The following SRP9 variants were observed in gnomAD, a reference collection of about 807,000 sequenced individuals.
SRP9 encodes signal recognition particle 9 kDa protein.
SRP9 carries 2 observed loss-of-function variants against 11.7 expected under a neutral mutation model. The observed-to-expected ratio is 0.17, with a 90% CI of 0.07 to 0.54. The LOEUF (loss-of-function observed/expected upper bound fraction) is 0.54. SRP9 is among the 20% of genes least tolerant of loss of function. The pLI, the probability that SRP9 is intolerant of heterozygous loss-of-function variation, is 0.94. For missense variants in SRP9, 54 were observed against 108.1 expected (o/e 0.50, Z 2.22); for synonymous variants, 27 against 35.6 (o/e 0.76, Z 0.86).
At chr1:225,787,823 G>A (rs1665948027) in intron 2 of SRP9, among the ~76,000 whole-genome samples, 1 of 152,026 alleles carries the variant, frequency 6.6e-6, no homozygotes, top group East Asian at 1.9e-4. Context: ...GATTAATATG[G>A]CCTTTTTACA....
intron 2 of SRP9, 96 bp from the exon 3 acceptor site, chr1:225,789,144 A>G: frequency 6.4e-7 from 1 of 1,552,108 alleles, no homozygotes; most frequent in Admixed American, 2.0e-5. Flanking sequence ...AAACAGTGGT[A>G]GGAAAAACTC....
Position 225,790,127 on chromosome 1 carries a change from T to G in SRP9, c.*768T>G, listed in dbSNP as rs1665998657. Reference sequence around the variant, plus strand: ...CTACATATTTTCCATCTGTAGTTTCTCAGAAGGGCTATGGATTAGTTTGAA... The same window carrying G: ...CTACATATTTTCCATCTGTAGTTTCGCAGAAGGGCTATGGATTAGTTTGAA... On this transcript the variant is annotated 3_prime_UTR_variant, in exon 3 of 3. Coordinates refer to ENST00000304786, the MANE Select transcript of SRP9 (RefSeq NM_003133.6). 1 of 152,218 alleles carries G rather than the reference T, an allele frequency of 6.6e-6. No homozygotes were observed. 9.4% of individuals were successfully genotyped at this position (152,218 alleles called of 1,614,324 possible).
chr1:225,777,925 TC>T lies in SRP9; in HGVS notation c.-14del. The T allele has an allele frequency of 3.1e-6, 5 of 1,612,496 alleles. No individual in the cohort carries two copies. Among genetic ancestry groups the T allele is most frequent in the Non-Finnish European group, 3.4e-6 (4 of 1,178,866 alleles). On this transcript the variant is annotated 5_prime_UTR_variant, in exon 1 of 3. Coordinates refer to ENST00000304786, the MANE Select transcript of SRP9 (RefSeq NM_003133.6). ...CTGAGGCCTTGCTTCTCTTTACTTT[TC>T]CACTCTAGGCCACGATGCCGCAGTA... is the stretch of plus-strand genomic sequence containing the variant.
intron 2 of SRP9, chr1:225,786,795 G>A: frequency 8.0e-7 from 1 of 1,252,204 alleles, no homozygotes; most frequent in Non-Finnish European, 1.0e-6. Context: ...GCTTACCCTT[G>A]GTAGATTGAG....
At chr1:225,785,679 CTT>C (rs59464847) in intron 2 of SRP9, among the ~76,000 whole-genome samples, 18 of 123,030 alleles carry the variant, frequency 1.5e-4, no homozygotes, top group Admixed American at 5.9e-4. Flanking sequence ...TGTGCCTGGA[CTT>C]TTTTTTTTTT....
chr1:225,787,416 T>TA (rs1331913678), intron 2 of SRP9, among the ~76,000 whole-genome samples: 2 of 151,904 alleles, frequency 1.3e-5, no homozygotes, highest in African/African-American at 2.4e-5. Flanking sequence ...TAATCTCAGC[T>TA]ACTTGGGAGG....
chr1:225,783,241 A>C (rs781037916), intron 1 of SRP9, 59 bp from the exon 2 acceptor site: 58 of 1,389,296 alleles, frequency 4.2e-5, no homozygotes, highest in Admixed American at 2.1e-4. Context: ...TGAAGACTAA[A>C]TTATTTATAA....
chr1:225,785,444 G>T (rs1029824060), intron 2 of SRP9, among the ~76,000 whole-genome samples: 2 of 150,278 alleles, frequency 1.3e-5, no homozygotes, highest in African/African-American at 2.5e-5. Context: ...GTGCAGTGGC[G>T]CAATCTCGGC....
intron 1 of SRP9, among the ~76,000 whole-genome samples, chr1:225,782,146 TTTTTA>T (rs1164012746): frequency 2.0e-5 from 3 of 151,922 alleles, no homozygotes; most frequent in East Asian, 1.9e-4. Context: ...TAAGTAGCAG[TTTTTA>T]TTTTATTTTA....
intron 1 of SRP9, among the ~76,000 whole-genome samples, chr1:225,782,105 T>C (rs1009045529): frequency 3.3e-5 from 5 of 152,134 alleles, no homozygotes; most frequent in Non-Finnish European, 7.4e-5. Context: ...TGTAACCATT[T>C]TAAAATTATG....
chr1:225,786,801 T>C, intron 2 of SRP9: 1 of 1,256,862 alleles, frequency 8.0e-7, no homozygotes, highest in Non-Finnish European at 1.0e-6. Context: ...CCTTGGTAGA[T>C]TGAGTACATG....
At chr1:225,778,717 C>T (rs1665734869) in intron 1 of SRP9, among the ~76,000 whole-genome samples, 1 of 152,160 alleles carries the variant, frequency 6.6e-6, no homozygotes, top group Non-Finnish European at 1.5e-5. Context: ...GTTTAGCATT[C>T]GGGTCTTACT....
intron 2 of SRP9, among the ~76,000 whole-genome samples, chr1:225,784,615 G>T (rs982457150): frequency 2.0e-5 from 3 of 151,836 alleles, no homozygotes; most frequent in African/African-American, 7.3e-5. Context: ...GGTCAAGTGG[G>T]CAGATCACAA....
chr1:225,788,850 T>C (rs966632439), intron 2 of SRP9, among the ~76,000 whole-genome samples: 1 of 152,224 alleles, frequency 6.6e-6, no homozygotes, highest in Non-Finnish European at 1.5e-5. Context: ...TGTTTTTTTT[T>C]CCAGCATAAC....
intron 1 of SRP9, among the ~76,000 whole-genome samples, chr1:225,782,057 T>A (rs141128073): frequency 0.015 from 2,277 of 152,292 alleles, 59 homozygotes; most frequent in African/African-American, 0.051. Context: ...CCTTTTTATT[T>A]AGTTTCCAGA....
chr1:225,782,288 C>G (rs1277931649), intron 1 of SRP9, among the ~76,000 whole-genome samples: 1 of 152,042 alleles, frequency 6.6e-6, no homozygotes, highest in Admixed American at 6.6e-5. Context: ...CTCAGCCTCC[C>G]GATTAGCTGG....
intron 2 of SRP9, among the ~76,000 whole-genome samples, chr1:225,788,392 T>C (rs543858633): frequency 2.7e-4 from 40 of 149,832 alleles, no homozygotes; most frequent in Admixed American, 7.3e-4. Context: ...GTCTCAAAAA[T>C]ACATACCTTC....
chr1:225,781,377 CTT>C (rs1490269495), intron 1 of SRP9, among the ~76,000 whole-genome samples: 1 of 142,782 alleles, frequency 7.0e-6, no homozygotes, highest in Admixed American at 7.0e-5. Flanking sequence ...CACGATTGGC[CTT>C]TTTTCTTTTC....
In SRP9 at chr1:225,790,359, T is replaced by TA. The variant is rs1666004880; in HGVS notation, c.*1001dup. 1 of 152,260 alleles carries TA rather than the reference T, an allele frequency of 6.6e-6. No individual in the cohort carries two copies. Among genetic ancestry groups the TA allele is most frequent in the South Asian group, 2.1e-4 (1 of 4,834 alleles). The allele number at this position is 152,260 out of a possible 1,614,324, so 9.4% of individuals were successfully genotyped here. A position where few individuals can be genotyped will look rare whatever the true frequency, so the allele number is the denominator to read the frequency against. ...AGGCACTACATTGAAATATGTTTTG[T>TA]ATAAATTTGTCATGTTGAACAGCAT... On this transcript the variant is annotated 3_prime_UTR_variant, in exon 3 of 3. Transcript: ENST00000304786.
Sources: gnomAD v4.1 joint callset for allele counts (sites outside exome capture counted in the v4.1 genomes callset) on GRCh38, gnomAD v4.1.1 for gene constraint, MANE v1.5 for transcripts, NCBI Gene and HGNC (gene_info 2026-07-23, HGNC 2026-07-21) for gene names.